GPHN: variants seen among roughly 807,000 people sequenced by gnomAD.
GPHN encodes gephyrin.
A neutral mutation model predicts 95.5 loss-of-function variants in GPHN; 17 were observed. That is an observed-to-expected ratio of 0.18 (90% CI 0.12 to 0.27). GPHN has a LOEUF of 0.27. Ranked by LOEUF, GPHN falls within the 10% of genes least tolerant of loss-of-function variation. The probability of loss-of-function intolerance (pLI) is 1.00; values close to 1 mark genes in which losing one functional copy is unlikely to be tolerated. For synonymous variants in GPHN, 320 were observed against 322.5 expected (o/e 0.99, Z 0.08); for missense variants, 660 against 978.1 (o/e 0.67, Z 4.34).
intron 8 of GPHN, among the ~76,000 whole-genome samples, chr14:66,925,124 T>A (rs2066419719): frequency 6.6e-6 from 1 of 152,128 alleles, no homozygotes; most frequent in Non-Finnish European, 1.5e-5. Context: ...AAGTGAAGAC[T>A]TTTTAAAAAT....
At chr14:66,949,892 G>A (rs1179584421) in intron 8 of GPHN, among the ~76,000 whole-genome samples, 2 of 150,578 alleles carry the variant, frequency 1.3e-5, no homozygotes, top group East Asian at 1.9e-4. Flanking sequence ...ATTCAAAAGG[G>A]GAAACAATAT....
intron 9 of GPHN, among the ~76,000 whole-genome samples, chr14:66,999,447 C>CATGTAATTTATTGTT (rs1039695415): frequency 1.3e-5 from 2 of 151,612 alleles, no homozygotes; most frequent in Non-Finnish European, 3.0e-5. Flanking sequence ...AATTTATTGT[C>CATGTAATTTATTGTT]ATGTAATTTA....
intron 9 of GPHN, among the ~76,000 whole-genome samples, chr14:66,998,118 G>A (rs773609092): frequency 2.0e-5 from 3 of 152,148 alleles, no homozygotes; most frequent in Admixed American, 1.3e-4. Context: ...GGGCTCTCAC[G>A]TTGGAATGTG....
intron 8 of GPHN, among the ~76,000 whole-genome samples, chr14:66,956,539 A>G (rs943805998): frequency 1.5e-3 from 225 of 151,934 alleles, no homozygotes; most frequent in African/African-American, 5.2e-3. Flanking sequence ...CATCCTCTCC[A>G]GCACCTGTTG....
At chr14:67,546,832 C>T in the GPHN span, among the ~76,000 whole-genome samples, 1 of 152,196 alleles carries the variant, frequency 6.6e-6, no homozygotes, top group East Asian at 1.9e-4. Flanking sequence ...CACTACACTC[C>T]AGCCTGGGTG....
chr14:67,412,110 G>A, the GPHN span: 22 of 1,452,336 alleles, frequency 1.5e-5, no homozygotes, highest in Admixed American at 5.6e-4. Flanking sequence ...CCCGCGCCTC[G>A]CGCTCCTCGG....
At chr14:67,146,298 T>G (rs2080893711) in intron 18 of GPHN, among the ~76,000 whole-genome samples, 1 of 152,144 alleles carries the variant, frequency 6.6e-6, no homozygotes, top group African/African-American at 2.4e-5. Flanking sequence ...TCCCTAAAGA[T>G]CTCTCCCCTC....
the GPHN span, among the ~76,000 whole-genome samples, chr14:67,242,434 A>G: frequency 6.6e-6 from 1 of 152,200 alleles, no homozygotes. Context: ...AAAGGTGTTA[A>G]TATTTCTGAT....
At chr14:67,500,129 A>G in the GPHN span, among the ~76,000 whole-genome samples, 1 of 152,074 alleles carries the variant, frequency 6.6e-6, no homozygotes, top group East Asian at 1.9e-4. Flanking sequence ...ACACCACTGC[A>G]CTCCAGCCTG....
the GPHN span, among the ~76,000 whole-genome samples, chr14:67,191,497 T>G: frequency 2.0e-5 from 3 of 152,210 alleles, no homozygotes; most frequent in Non-Finnish European, 2.9e-5. Flanking sequence ...GCTTTTCAGA[T>G]TCCCACTCTC....
intron 2 of GPHN, among the ~76,000 whole-genome samples, chr14:66,741,664 A>C (rs951868168): frequency 6.6e-6 from 1 of 152,158 alleles, no homozygotes; most frequent in African/African-American, 2.4e-5. Flanking sequence ...AAGTTTGTAC[A>C]TATGTTACTT....
At chr14:67,674,625 G>C in the GPHN span, 2 of 629,660 alleles carry the variant, frequency 3.2e-6, no homozygotes, top group Non-Finnish European at 4.9e-6. Context: ...AGGCTCTTCC[G>C]GAGCCGCGGC....
the GPHN span, among the ~76,000 whole-genome samples, chr14:67,350,210 G>A: frequency 6.6e-6 from 1 of 152,120 alleles, no homozygotes; most frequent in African/African-American, 2.4e-5. Flanking sequence ...GAATAATTCA[G>A]TAGAAACAAA....
At chr14:66,888,025 AG>A (rs1310980394) in intron 5 of GPHN, among the ~76,000 whole-genome samples, 2 of 152,204 alleles carry the variant, frequency 1.3e-5, no homozygotes, top group Non-Finnish European at 2.9e-5. Flanking sequence ...CTTGAGCATG[AG>A]GATCTCTCAC....
At chr14:67,332,344 C>CT in the GPHN span, among the ~76,000 whole-genome samples, 2 of 152,166 alleles carry the variant, frequency 1.3e-5, no homozygotes, top group Non-Finnish European at 2.9e-5. Context: ...GGCAAGGGCT[C>CT]TTTACTAGAG....
the GPHN span, among the ~76,000 whole-genome samples, chr14:67,243,705 C>T: frequency 6.6e-6 from 1 of 150,908 alleles, no homozygotes; most frequent in Admixed American, 6.6e-5. Flanking sequence ...ACCGTGTTAG[C>T]CAGGATGATC....
At chr14:67,488,999 C>T in the GPHN span, among the ~76,000 whole-genome samples, 10 of 152,206 alleles carry the variant, frequency 6.6e-5, no homozygotes, top group Admixed American at 6.5e-4. Flanking sequence ...ACTGACACTC[C>T]CTATCCCCCA....
At chr14:67,213,544 T>C in the GPHN span, among the ~76,000 whole-genome samples, 2 of 152,044 alleles carry the variant, frequency 1.3e-5, no homozygotes, top group Admixed American at 1.3e-4. Context: ...TGTGCCACAT[T>C]TTCTTAATCC....
At chr14:66,668,087 A>G (rs1283002419) in intron 1 of GPHN, among the ~76,000 whole-genome samples, 3 of 152,212 alleles carry the variant, frequency 2.0e-5, no homozygotes, top group Non-Finnish European at 4.4e-5. Context: ...GTGAGATATC[A>G]TATCCTACCA....
Sources: allele counts gnomAD v4.1 joint callset (sites outside exome capture counted in the v4.1 genomes callset), GRCh38; gene constraint gnomAD v4.1.1; transcripts MANE v1.5; gene names NCBI Gene and HGNC (gene_info 2026-07-23, HGNC 2026-07-21).